PHEX: variants seen among roughly 807,000 people sequenced by gnomAD.
PHEX encodes phosphate-regulating neutral endopeptidase PHEX.
A neutral mutation model predicts 68.0 loss-of-function variants in PHEX; 16 were observed. That is an observed-to-expected ratio of 0.24 (90% CI 0.16 to 0.36). PHEX has a LOEUF of 0.36. PHEX is among the 10% of genes least tolerant of loss of function. The pLI is 1.00. For missense variants in PHEX, 480 were observed against 575.5 expected, an observed-to-expected ratio of 0.83 and a Z score of 1.70; for synonymous variants, 208 against 205.1, an observed-to-expected ratio of 1.01 and a Z score of -0.12.
At chrX:22,072,765 G>A (rs1355110918) in intron 3 of PHEX, among the ~76,000 whole-genome samples, 1 of 111,774 alleles carries the variant, frequency 8.9e-6, no homozygotes, top group African/African-American at 3.3e-5. Context: ...AGCACAAGGG[G>A]CTTTTGGGGT....
intron 11 of PHEX, among the ~76,000 whole-genome samples, chrX:22,123,055 T>C (rs966080719): frequency 7.9e-5 from 8 of 100,851 alleles, no homozygotes; most frequent in African/African-American, 3.0e-4. Flanking sequence ...AGTGGTGCGA[T>C]CTCGGCTCAC....
At chrX:22,181,174 T>G (rs1019747917) in intron 14 of PHEX, among the ~76,000 whole-genome samples, 2 of 111,853 alleles carry the variant, frequency 1.8e-5, no homozygotes, top group African/African-American at 6.5e-5. Flanking sequence ...TCGAGGATCC[T>G]CCAAACTGTT....
At chrX:22,083,645 A>G (rs1929492073) in intron 5 of PHEX, among the ~76,000 whole-genome samples, 2 of 111,461 alleles carry the variant, frequency 1.8e-5, no homozygotes, top group East Asian at 5.6e-4. Context: ...TTTCTTTTTC[A>G]GATTATTTGC....
At position 22,178,347 on chromosome X, in the gene PHEX, C is replaced by A; in HGVS notation, c.1557C>A (p.Phe519Leu). 1 of 1,198,815 alleles carries A rather than the reference C, an allele frequency of 8.3e-7. No homozygotes were observed. Among genetic ancestry groups the A allele is most frequent in the South Asian group, 1.8e-5 (1 of 56,685 alleles). Residue 519 changes from phenylalanine (F) to leucine (L), a missense_variant, in exon 14 of 22, where the codon TTC (phenylalanine) becomes TTA (leucine). Phe to Leu is a conservative substitution (Grantham distance 22). Transcript: ENST00000379374. The part of the protein sequence containing the change: ...TRKYLAQSDF[F>L]WLRKAVPKTE... The stretch of plus-strand genomic sequence containing the variant: ...AGTATTTAGCACAGTCTGATTTCTT[C>A]TGGCTAAGAAAAGCCGTTCCAAAAA...
chrX:22,152,876 T>C (rs1471371137), intron 12 of PHEX, among the ~76,000 whole-genome samples: 1 of 112,251 alleles, frequency 8.9e-6, no homozygotes, highest in Non-Finnish European at 1.9e-5. Flanking sequence ...TTGTACGATA[T>C]AGTGCAGTAA....
intron 3 of PHEX, among the ~76,000 whole-genome samples, chrX:22,065,350 A>G (rs1264850486): frequency 1.8e-5 from 2 of 112,392 alleles, no homozygotes; most frequent in African/African-American, 6.4e-5. Flanking sequence ...GGCCATTTAG[A>G]TTAAGTTCCG....
At chrX:22,225,822 A>AAAGTTTT (rs1387934851) in intron 18 of PHEX, among the ~76,000 whole-genome samples, 3 of 112,462 alleles carry the variant, frequency 2.7e-5, no homozygotes, top group Non-Finnish European at 5.6e-5. Flanking sequence ...TAGCTCATTT[A>AAAGTTTT]AAGTTTTGAG....
intron 5 of PHEX, among the ~76,000 whole-genome samples, chrX:22,085,574 C>CA (rs61594590): frequency 0.029 from 1,535 of 52,676 alleles, 14 homozygotes; most frequent in African/African-American, 0.055. Flanking sequence ...GACTCCATCT[C>CA]AAAAAAAAAA....
chrX:22,163,357 A>G (rs1933202654), intron 12 of PHEX: 1 of 111,495 alleles, frequency 9.0e-6, no homozygotes, highest in African/African-American at 3.3e-5. Context: ...TGTCATCCTG[A>G]GCAGAATTGG....
chrX:22,033,501 A>T (rs894774286), intron 1 of PHEX, among the ~76,000 whole-genome samples: 3 of 112,060 alleles, frequency 2.7e-5, no homozygotes, highest in Non-Finnish European at 5.6e-5. Flanking sequence ...TGTGATGAAA[A>T]CCATGCTGGA....
intron 11 of PHEX, among the ~76,000 whole-genome samples, chrX:22,118,474 T>C (rs965082277): frequency 1.8e-5 from 2 of 110,689 alleles, no homozygotes; most frequent in African/African-American, 6.6e-5. Context: ...TTTCAGATCA[T>C]TGAAAATTTC....
intron 3 of PHEX, among the ~76,000 whole-genome samples, chrX:22,049,158 G>A (rs1927689895): frequency 9.0e-6 from 1 of 110,816 alleles, no homozygotes; most frequent in African/African-American, 3.3e-5. Flanking sequence ...ACCCAGGCTG[G>A]AGTGCAATGG....
chrX:22,042,762 C>T (rs985642204), intron 2 of PHEX, among the ~76,000 whole-genome samples: 5 of 111,839 alleles, frequency 4.5e-5, no homozygotes, highest in Non-Finnish European at 7.5e-5. Context: ...TGCACTTCAA[C>T]CCCAAGGGGG....
chrX:22,099,460 G>T, intron 9 of PHEX: 3 of 225,238 alleles, frequency 1.3e-5, no homozygotes, highest in Non-Finnish European at 1.6e-5. Flanking sequence ...TAAAATGTCT[G>T]TGTGAACATC....
chrX:22,043,658 AATT>A (rs1052053100), intron 2 of PHEX, among the ~76,000 whole-genome samples: 7 of 111,382 alleles, frequency 6.3e-5, no homozygotes, highest in African/African-American at 2.0e-4. Context: ...TATTATTGTT[AATT>A]ATTATTATTA....
At chrX:22,233,212 C>G (rs1384267998) in intron 20 of PHEX, among the ~76,000 whole-genome samples, 1 of 111,530 alleles carries the variant, frequency 9.0e-6, no homozygotes, top group East Asian at 2.8e-4. Flanking sequence ...TTGTGGGTAA[C>G]CCGACCTTTC....
chrX:22,213,096 TATC>T, intron 16 of PHEX, 138 bp downstream of exon 16: 2 of 535,270 alleles, frequency 3.7e-6, no homozygotes, highest in Non-Finnish European at 6.7e-6. Context: ...CCTGTACTCT[TATC>T]ATTTTAGGTA....
At chrX:22,041,265 CTATATATATATATA>C (rs556410356) in intron 2 of PHEX, among the ~76,000 whole-genome samples, 20 of 72,799 alleles carry the variant, frequency 2.7e-4, no homozygotes, top group East Asian at 8.6e-4. Context: ...CTCTCTCTCT[CTATATATATATATA>C]TATATATATA....
chrX:22,197,359 A>G (rs776375045), intron 15 of PHEX, among the ~76,000 whole-genome samples: 1 of 111,361 alleles, frequency 9.0e-6, no homozygotes, highest in Admixed American at 9.6e-5. Flanking sequence ...ATAGGATGCT[A>G]TGGAAATTCT....
Sources: gnomAD v4.1 joint callset for allele counts (sites outside exome capture counted in the v4.1 genomes callset) on GRCh38, gnomAD v4.1.1 for gene constraint, MANE v1.5 for transcripts, NCBI Gene and HGNC (gene_info 2026-07-23, HGNC 2026-07-21) for gene names.